ABCC1: variants seen among roughly 807,000 people sequenced by gnomAD.
ABCC1 encodes the protein multidrug resistance-associated protein 1.
In ABCC1, 83 loss-of-function variants were observed where a neutral mutation model predicts 172.9. The observed-to-expected ratio is 0.48, with a 90% CI of 0.40 to 0.58. The LOEUF (loss-of-function observed/expected upper bound fraction) is 0.58, where lower values mean the gene tolerates loss of function less well. Ranked by LOEUF, ABCC1 falls within the 20% of genes least tolerant of loss-of-function variation. The pLI, the probability that ABCC1 is intolerant of heterozygous loss-of-function variation, is 0.00. For synonymous variants in ABCC1, 937 were observed against 825.2 expected (o/e 1.14, Z -2.32); for missense variants, 1,817 against 2,002.7 (o/e 0.91, Z 1.77).
intron 7 of ABCC1, among the ~76,000 whole-genome samples, chr16:16,041,829 G>T (rs2151866136): frequency 6.6e-6 from 1 of 152,188 alleles, no homozygotes; most frequent in Admixed American, 6.6e-5. Context: ...GGGCATGGTG[G>T]CTCATGCCTG....
At position 16,106,781 on chromosome 16, in the gene ABCC1, C is replaced by T. The variant is rs1247359035; in HGVS notation, c.2779C>T (p.His927Tyr). The part of the protein sequence containing the change: ...SSSYSGDISR[H>Y]HNSTAELQKA... ...CTCCTATAGTGGGGACATCAGCAGG[C>T]ACCACAACAGCACCGCAGAACTGCA... is the stretch of plus-strand genomic sequence containing the variant. The change falls in exon 21 of 31, where the codon CAC becomes TAC. Residue 927 changes from histidine (H) to tyrosine (Y), a missense_variant. His to Tyr is a moderately conservative substitution (Grantham distance 83). Coordinates refer to ENST00000399410, the MANE Select transcript of ABCC1 (RefSeq NM_004996.4). The T allele has an allele frequency of 1.9e-6, 3 of 1,613,990 alleles. No individual in the cohort carries two copies. The highest frequency in any genetic ancestry group is 2.2e-5 in the East Asian group (1 of 44,888).
At chr16:16,092,013 G>C (rs2051275093) in intron 19 of ABCC1, among the ~76,000 whole-genome samples, 1 of 152,170 alleles carries the variant, frequency 6.6e-6, no homozygotes, top group African/African-American at 2.4e-5. Flanking sequence ...TGACACAGGT[G>C]GATCACCTGA....
intron 30 of ABCC1, among the ~76,000 whole-genome samples, chr16:16,139,476 G>A (rs1312377868): frequency 6.6e-6 from 1 of 151,692 alleles, no homozygotes; most frequent in African/African-American, 2.4e-5. Context: ...GCCAAGTGTG[G>A]TGGTGCGTGC....
At position 16,048,234 on chromosome 16, in the gene ABCC1, G is replaced by C; in HGVS notation, c.1311G>C (p.Leu437Phe). ...TGGACGCTCAGAGGTTCATGGACTT[G>C]GCCACGTACATTAACATGATCTGGT... is the stretch of plus-strand genomic sequence containing the variant. ...MSVDAQRFMD[L>F]ATYINMIWSA... Residue 437 changes from leucine to phenylalanine, a missense_variant, in exon 10 of 31, where the codon TTG becomes TTC. This residue lies in a region of ABCC1 where 1,412 missense variants were observed against 1,600.3 expected (regional missense o/e 0.88). Transcript: ENST00000399410. 6.2e-7 allele frequency: 1 copy of C among 1,614,154 alleles called. No individual in the cohort carries two copies. Among genetic ancestry groups the C allele is most frequent in the Non-Finnish European group, 8.5e-7 (1 of 1,180,028 alleles).
rs764526218 is a variant in ABCC1 at position 16,125,947 on chromosome 16, T to C, written c.3819+36T>C. On this transcript the variant is annotated intron_variant, in intron 26 of 30. Coordinates refer to ENST00000399410, the MANE Select transcript of ABCC1 (RefSeq NM_004996.4). ...GCCCCTGGCTGGACCTCTTGGTCTT[T>C]GGTGTAGCTTTACCCCAAGGAGATC... The C allele has an allele frequency of 2.6e-6, 4 of 1,540,616 alleles. No homozygotes were observed. The South Asian group carries it at 3.4e-5, about 13-fold the overall frequency.
At chr16:16,116,058 A>G (rs943690296) in intron 23 of ABCC1, among the ~76,000 whole-genome samples, 1 of 151,570 alleles carries the variant, frequency 6.6e-6, no homozygotes, top group Non-Finnish European at 1.5e-5. Flanking sequence ...GCCCGCCACT[A>G]CGCCCAGCTA....
chr16:15,987,399 G>C (rs553126298), intron 1 of ABCC1, among the ~76,000 whole-genome samples: 1 of 152,334 alleles, frequency 6.6e-6, no homozygotes, highest in African/African-American at 2.4e-5. Context: ...GTGTGTTGGG[G>C]ATGTGGACTA....
intron 26 of ABCC1, among the ~76,000 whole-genome samples, chr16:16,128,007 A>C (rs1358037620): frequency 7.9e-6 from 1 of 126,506 alleles, no homozygotes; most frequent in South Asian, 2.5e-4. Flanking sequence ...TGCAACCTCC[A>C]CCTCCTGGGT....
chr16:16,136,107 TC>T (rs1422111469), intron 28 of ABCC1, among the ~76,000 whole-genome samples: 2 of 152,010 alleles, frequency 1.3e-5, no homozygotes, highest in Non-Finnish European at 2.9e-5. Flanking sequence ...CACTGCAACT[TC>T]CGTCTCCCGG....
At chr16:16,114,668 G>A (rs1274923394) in intron 22 of ABCC1, 98 bp from the exon 23 acceptor site, 1 of 1,132,794 alleles carries the variant, frequency 8.8e-7, no homozygotes, top group African/African-American at 1.6e-5. Context: ...TTAGAAGTTG[G>A]GAGTCCAGGC....
intron 11 of ABCC1, 139 bp from the exon 12 acceptor site, chr16:16,055,948 TGAAAA>T: frequency 1.3e-6 from 1 of 771,304 alleles, no homozygotes; most frequent in Non-Finnish European, 2.0e-6. Flanking sequence ...CCATCTCTAT[TGAAAA>T]GAAAAAAAAA....
At chr16:15,969,382 T>C (rs888626533) in intron 1 of ABCC1, among the ~76,000 whole-genome samples, 15 of 151,638 alleles carry the variant, frequency 9.9e-5, no homozygotes, top group African/African-American at 3.6e-4. Context: ...TTTTTTTTTT[T>C]TTTCTTTTTA....
chr16:16,107,946 T>C (rs1362950553), intron 21 of ABCC1, among the ~76,000 whole-genome samples: 1 of 151,772 alleles, frequency 6.6e-6, no homozygotes, highest in Admixed American at 6.6e-5. Flanking sequence ...CACTTTCTCT[T>C]AGATCTGCCC....
At chr16:16,050,530 T>C (rs979947413) in intron 10 of ABCC1, among the ~76,000 whole-genome samples, 5 of 151,830 alleles carry the variant, frequency 3.3e-5, no homozygotes, top group African/African-American at 1.2e-4. Context: ...TTTGTACATT[T>C]GTAGAGCAGA....
At chr16:15,969,195 C>A (rs915756390) in intron 1 of ABCC1, among the ~76,000 whole-genome samples, 3 of 152,152 alleles carry the variant, frequency 2.0e-5, no homozygotes, top group African/African-American at 7.2e-5. Context: ...CAGAGCAAGA[C>A]TCTGTCTCAG....
chr16:16,098,752 G>A, intron 19 of ABCC1: 1 of 873,112 alleles, frequency 1.1e-6, no homozygotes, highest in Non-Finnish European at 1.7e-6. Context: ...AGACCCTTCA[G>A]CCATTCTTGC....
intron 10 of ABCC1, among the ~76,000 whole-genome samples, chr16:16,052,509 G>A (rs780444843): frequency 6.6e-6 from 1 of 152,154 alleles, no homozygotes; most frequent in Non-Finnish European, 1.5e-5. Context: ...AAAGGAGCGT[G>A]GACCTGCTTA....
intron 5 of ABCC1, among the ~76,000 whole-genome samples, chr16:16,029,598 T>C (rs1333253469): frequency 6.6e-6 from 1 of 152,238 alleles, no homozygotes; most frequent in Non-Finnish European, 1.5e-5. Flanking sequence ...GATTTGTTTA[T>C]TTTAAATGAC....
intron 7 of ABCC1, among the ~76,000 whole-genome samples, chr16:16,041,128 C>T (rs1040834492): frequency 4.8e-5 from 7 of 145,542 alleles, no homozygotes; most frequent in Admixed American, 6.9e-5. Context: ...GATGATATCT[C>T]GCCATGTTGC....
Sources: gnomAD v4.1 joint callset for allele counts (sites outside exome capture counted in the v4.1 genomes callset) on GRCh38, gnomAD v4.1.1 for gene constraint, gnomAD v4.1.1 regional missense constraint, MANE v1.5 for transcripts, NCBI Gene and HGNC (gene_info 2026-07-23, HGNC 2026-07-21) for gene names.